Variants in STAB2 observed in about 807,000 individuals in gnomAD.
STAB2 encodes the protein stabilin 2.
Under a neutral mutation model 338.1 loss-of-function variants are expected in STAB2, and 288 were observed. The observed-to-expected ratio is 0.85, with a 90% CI of 0.77 to 0.94. STAB2 has a LOEUF of 0.94. Among genes scored for constraint, STAB2 ranks in the 40% least tolerant of loss-of-function variants. STAB2 has a pLI of 0.00. For missense variants in STAB2, 3,141 were observed against 3,210.1 expected (o/e 0.98, Z 0.52); for synonymous variants, 1,202 against 1,193.3 (o/e 1.01, Z -0.15).
intron 3 of STAB2, among the ~76,000 whole-genome samples, chr12:103,614,652 C>T (rs114111007): frequency 0.016 from 2,413 of 152,252 alleles, 72 homozygotes; most frequent in African/African-American, 0.055. Flanking sequence ...TAAGTTCATC[C>T]ACATCAGAAC....
At chr12:103,637,891 G>A (rs1211292643) in intron 7 of STAB2, 125 bp from the exon 8 acceptor site, 1 of 987,850 alleles carries the variant, frequency 1.0e-6, no homozygotes, top group Non-Finnish European at 1.5e-6. Flanking sequence ...GGAAATGAAA[G>A]GAAATGTTTG....
At chr12:103,614,273 C>T (rs1161963061) in intron 3 of STAB2, among the ~76,000 whole-genome samples, 1 of 152,048 alleles carries the variant, frequency 6.6e-6, no homozygotes, top group Non-Finnish European at 1.5e-5. Flanking sequence ...AGATTTGTTG[C>T]CATTGACAGA....
intron 65 of STAB2, among the ~76,000 whole-genome samples, chr12:103,760,645 G>C (rs1346679891): frequency 6.6e-6 from 1 of 152,168 alleles, no homozygotes; most frequent in African/African-American, 2.4e-5. Flanking sequence ...TGACCGTGGG[G>C]GTAGCGGTGG....
intron 28 of STAB2, 139 bp from the exon 29 acceptor site, chr12:103,689,707 G>T: frequency 3.9e-6 from 4 of 1,016,280 alleles, no homozygotes; most frequent in Non-Finnish European, 5.6e-6. Context: ...ACAGCCAGTG[G>T]GTGGGGTGGA....
chr12:103,712,334 T>G (rs759878023), intron 40 of STAB2, 33 bp from the exon 41 acceptor site: 1 of 1,571,798 alleles, frequency 6.4e-7, no homozygotes, highest in Middle Eastern at 1.7e-4. Flanking sequence ...GGAGTATTTT[T>G]CTACAAACCC....
chr12:103,758,699 G>A lies in STAB2; in HGVS notation c.7107+410G>A, dbSNP rs547921519. 2.0e-5 allele frequency among the ~76,000 whole-genome samples: 3 copies of A among 152,352 alleles called. No homozygotes were observed. The South Asian group carries it at 6.2e-4, about 32-fold the overall frequency. On this transcript the variant is annotated intron_variant, in intron 64 of 68. Coordinates refer to ENST00000388887, the MANE Select transcript of STAB2 (RefSeq NM_017564.10). Reference sequence around the variant, plus strand: ...CAGCATGGGGGGCAAAGGGCCAGGGGTGCAGGGAGTGGGGAAGAACCAGGG... The same window carrying A: ...CAGCATGGGGGGCAAAGGGCCAGGGATGCAGGGAGTGGGGAAGAACCAGGG...
At chr12:103,686,697 G>A (rs1877464546) in intron 27 of STAB2, among the ~76,000 whole-genome samples, 2 of 152,056 alleles carry the variant, frequency 1.3e-5, no homozygotes, top group African/African-American at 4.8e-5. Flanking sequence ...ATAGAGACAG[G>A]GTCTCGCCAT....
intron 2 of STAB2, chr12:103,592,138 T>C (rs1181383622): frequency 6.6e-6 from 1 of 152,210 alleles, no homozygotes; most frequent in African/African-American, 2.4e-5. Context: ...CTTTTACCTG[T>C]TCCTCCTTTT....
chr12:103,741,819 C>T (rs551867072), intron 55 of STAB2, among the ~76,000 whole-genome samples: 83 of 152,270 alleles, frequency 5.5e-4, no homozygotes, highest in African/African-American at 1.9e-3. Flanking sequence ...AACCCAAGGT[C>T]CCACTGGTCT....
At chr12:103,727,506 G>A (rs1342009985) in intron 47 of STAB2, among the ~76,000 whole-genome samples, 156 bp downstream of exon 47, 1 of 152,226 alleles carries the variant, frequency 6.6e-6, no homozygotes, top group Non-Finnish European at 1.5e-5. Flanking sequence ...TTGGCACAGG[G>A]ACCCCTGTCA....
At position 103,640,215 on chromosome 12, in the gene STAB2, T is replaced by C. The variant is rs1447992413; in HGVS notation, c.999T>C (p.His333=). ...TDICKSDNPC[H]RNANCTTVAP... ...TATGTAAATCAGATAACCCGTGTCA[T>C]AGGAATGCAAATTGCACCACCGTCG... Residue 333 remains histidine (H), a synonymous_variant, in exon 9 of 69, where the codon CAT becomes CAC. Coordinates refer to ENST00000388887, the MANE Select transcript of STAB2 (RefSeq NM_017564.10). 3 of 1,613,818 alleles carry C rather than the reference T, an allele frequency of 1.9e-6. No homozygotes were observed. Among genetic ancestry groups the C allele is most frequent in the Admixed American group, 1.7e-5 (1 of 60,010 alleles).
At position 103,673,609 on chromosome 12, in the gene STAB2, G is replaced by A. The variant is rs146764874; in HGVS notation, c.2372-298G>A. 4.2e-3 allele frequency among the ~76,000 whole-genome samples: 638 copies of A among 152,242 alleles called. 3 individuals are homozygous for A. Among genetic ancestry groups the A allele is most frequent in the African/African-American group, 0.015 (613 of 41,532 alleles). ...AGCAATCCTCCCACGTCAGCTTCCC[G>A]GTGTGCTGGGATTACAGGCATGAGC... On this transcript the variant is annotated intron_variant, in intron 22 of 68. Coordinates refer to ENST00000388887, the MANE Select transcript of STAB2 (RefSeq NM_017564.10).
intron 11 of STAB2, 116 bp downstream of exon 11, chr12:103,650,694 G>T: frequency 2.6e-6 from 2 of 761,088 alleles, no homozygotes; most frequent in Non-Finnish European, 4.2e-6. Flanking sequence ...CTGATGATAA[G>T]GATGGTGATT....
intron 63 of STAB2, among the ~76,000 whole-genome samples, chr12:103,756,092 C>G (rs1884084803): frequency 6.8e-6 from 1 of 147,116 alleles, no homozygotes; most frequent in Non-Finnish European, 1.5e-5. Context: ...AGTTTAAGAG[C>G]ATGGTCTACA....
chr12:103,694,441 C>T (rs912285749), intron 31 of STAB2, among the ~76,000 whole-genome samples: 3 of 152,084 alleles, frequency 2.0e-5, no homozygotes, highest in Admixed American at 1.3e-4. Flanking sequence ...GTTGGTACAA[C>T]GTTTCTGGAA....
In STAB2 at chr12:103,703,160, G is replaced by A. The variant is rs753837381; in HGVS notation, c.3727G>A (p.Glu1243Lys). ...FLHNDQLYVN[E>K]APINYTNVAT... is the part of the protein sequence containing the mutation. Reference sequence around the variant, plus strand: ...CTGTTGTTCACAGCTCTATGTAAATGAGGCTCCAATAAACTACACCAATGT... The same window carrying A: ...CTGTTGTTCACAGCTCTATGTAAATAAGGCTCCAATAAACTACACCAATGT... Residue 1243 changes from glutamate to lysine, a missense_variant, in exon 35 of 69, where the codon GAG (glutamate) becomes AAG (lysine). By Grantham distance (56) the Glu-to-Lys change is moderately conservative. Transcript: ENST00000388887. 8 of 1,613,410 alleles carry A rather than the reference G, an allele frequency of 5.0e-6. No homozygotes were observed. The Admixed American group carries it at 1.2e-4, about 24-fold the overall frequency.
intron 33 of STAB2, among the ~76,000 whole-genome samples, chr12:103,697,643 G>T (rs555591810): frequency 6.6e-6 from 1 of 152,208 alleles, no homozygotes; most frequent in Admixed American, 6.5e-5. Context: ...AAAACATCTC[G>T]GTCCTTGAAT....
At chr12:103,602,915 GC>G (rs1340655193) in intron 3 of STAB2, among the ~76,000 whole-genome samples, 7 of 152,190 alleles carry the variant, frequency 4.6e-5, no homozygotes, top group African/African-American at 1.7e-4. Context: ...AATGTATCAT[GC>G]TTTTATAGAT....
At chr12:103,723,996 T>C (rs1167465344) in intron 44 of STAB2, among the ~76,000 whole-genome samples, 1 of 151,896 alleles carries the variant, frequency 6.6e-6, no homozygotes, top group African/African-American at 2.4e-5. Context: ...AGCCAGGGGA[T>C]GGGGACAGGG....
Sources: gnomAD v4.1 joint callset for allele counts (sites outside exome capture counted in the v4.1 genomes callset) on GRCh38, gnomAD v4.1.1 for gene constraint, MANE v1.5 for transcripts, NCBI Gene and HGNC (gene_info 2026-07-23, HGNC 2026-07-21) for gene names.